The following ZNF354A variants were observed in gnomAD, a reference collection of about 807,000 sequenced individuals.
ZNF354A encodes zinc finger protein 354A, also known as epididymis luminal protein 104.
ZNF354A carries 25 observed loss-of-function variants against 53.3 expected under a neutral mutation model. The observed-to-expected ratio is 0.47, with a 90% CI of 0.34 to 0.66. The LOEUF (loss-of-function observed/expected upper bound fraction) is 0.66. ZNF354A is among the 30% of genes least tolerant of loss of function. ZNF354A has a pLI of 0.01. For missense variants in ZNF354A, 586 were observed against 716.8 expected, an observed-to-expected ratio of 0.82 and a Z score of 2.08; for synonymous variants, 228 against 249.0, an observed-to-expected ratio of 0.92 and a Z score of 0.79.
chr5:178,722,362 CA>C (rs1162895886), intron 4 of ZNF354A, among the ~76,000 whole-genome samples: 1 of 152,160 alleles, frequency 6.6e-6, no homozygotes, highest in African/African-American at 2.4e-5. Flanking sequence ...CTAGGTCAAC[CA>C]AAAACAGCTC....
chr5:178,713,450 T>G lies in ZNF354A; in HGVS notation c.428A>C (p.Gln143Pro), dbSNP rs1765660898. The G allele has an allele frequency of 1.2e-6, 2 of 1,613,682 alleles. No individual in the cohort carries two copies. The highest frequency in any genetic ancestry group is 2.2e-5 in the South Asian group (2 of 90,996). ...TTTTTTGTGGGTGGCTGAAACTATC[T>G]GAAAACTTCCCTTTTTATCCTGCTT... is the stretch of plus-strand genomic sequence containing the variant. ...EKKQDKKGSFQIVSATHKKIP... is the reference protein window; with the variant it reads ...EKKQDKKGSFPIVSATHKKIP... The change falls in exon 5 of 5, where the codon CAG becomes CCG. Residue 143 changes from glutamine to proline, a missense_variant. Gln to Pro is a moderately conservative substitution (Grantham distance 76, BLOSUM62 -1). Around this residue, in one of 2 missense-constraint regions of ZNF354A, gnomAD observed 573 missense variants for 680.1 expected, o/e 0.84. Transcript: ENST00000335815.
chr5:178,723,606 A>G (rs1482319744), intron 4 of ZNF354A, among the ~76,000 whole-genome samples: 2 of 152,118 alleles, frequency 1.3e-5, no homozygotes, highest in African/African-American at 4.8e-5. Flanking sequence ...GCACTCTCAC[A>G]GCACCGAGTG....
intron 4 of ZNF354A, among the ~76,000 whole-genome samples, chr5:178,724,997 C>T (rs1455624941): frequency 6.6e-6 from 1 of 152,204 alleles, no homozygotes; most frequent in African/African-American, 2.4e-5. Flanking sequence ...ACAGTTTCCA[C>T]CTCTTAGAAC....
intron 4 of ZNF354A, among the ~76,000 whole-genome samples, chr5:178,719,654 A>G (rs1310232807): frequency 1.3e-5 from 2 of 152,186 alleles, no homozygotes; most frequent in African/African-American, 2.4e-5. Context: ...CACCTATAAA[A>G]ATGTCACTTG....
intron 4 of ZNF354A, among the ~76,000 whole-genome samples, chr5:178,719,476 A>T (rs1765769294): frequency 6.6e-6 from 1 of 152,232 alleles, no homozygotes; most frequent in Admixed American, 6.5e-5. Context: ...GTTTCGTAAG[A>T]ATTGACATAT....
At chr5:178,725,557 A>C in intron 3 of ZNF354A, 86 bp from the exon 4 acceptor site, 1 of 1,385,476 alleles carries the variant, frequency 7.2e-7, no homozygotes, top group Non-Finnish European at 1.0e-6. Context: ...TACAGAACTC[A>C]CAGGATGGTA....
At chr5:178,715,227 T>C (rs746799135) in intron 4 of ZNF354A, among the ~76,000 whole-genome samples, 6 of 152,260 alleles carry the variant, frequency 3.9e-5, no homozygotes, top group Non-Finnish European at 7.3e-5. Context: ...TGTGTCTCAC[T>C]GTATTTGCGA....
intron 1 of ZNF354A, among the ~76,000 whole-genome samples, chr5:178,729,555 G>A (rs1712611189): frequency 7.4e-6 from 1 of 135,648 alleles, no homozygotes; most frequent in Admixed American, 7.2e-5. Flanking sequence ...ACGGAAAACG[G>A]CTTTTTTTTT....
chr5:178,721,721 C>T (rs1765816414), intron 4 of ZNF354A, among the ~76,000 whole-genome samples: 1 of 152,158 alleles, frequency 6.6e-6, no homozygotes, highest in Non-Finnish European at 1.5e-5. Context: ...TTTCCACAGG[C>T]AACTTCAATC....
chr5:178,725,514 G>A (rs1174905628), intron 3 of ZNF354A, 43 bp from the exon 4 acceptor site: 1 of 1,586,562 alleles, frequency 6.3e-7, no homozygotes, highest in Non-Finnish European at 8.6e-7. Context: ...ATCAGACTTG[G>A]TTTTGTATTG....
chr5:178,726,724 G>C (rs1765915682), intron 3 of ZNF354A, among the ~76,000 whole-genome samples: 1 of 152,242 alleles, frequency 6.6e-6, no homozygotes, highest in Admixed American at 6.5e-5. Flanking sequence ...GAATCGTTGG[G>C]AAACGATGCC....
At chr5:178,718,046 T>G (rs1180820812) in intron 4 of ZNF354A, among the ~76,000 whole-genome samples, 5 of 152,116 alleles carry the variant, frequency 3.3e-5, no homozygotes, top group Non-Finnish European at 7.4e-5. Context: ...AAATGTGACA[T>G]GGGGAGCTTT....
chr5:178,724,513 C>T (rs781759992), intron 4 of ZNF354A, among the ~76,000 whole-genome samples: 35 of 152,234 alleles, frequency 2.3e-4, no homozygotes, highest in Non-Finnish European at 4.1e-4. Context: ...GCGTGAGCCA[C>T]CGTGCCCAGC....
rs1765888146 is a variant in ZNF354A, at chr5:178,725,473, T to G, written c.161-2A>C. On this transcript the variant is annotated splice_acceptor_variant, in intron 3 of 4. Coordinates refer to ENST00000335815, the MANE Select transcript of ZNF354A (RefSeq NM_005649.3). LOFTEE classifies it high-confidence loss of function. Reference sequence around the variant, plus strand: ...CTTTTGGTTTGGTAAATGGGAGCCCTGCACATAAACAAAAAACCACAACCA... The same window carrying G: ...CTTTTGGTTTGGTAAATGGGAGCCCGGCACATAAACAAAAAACCACAACCA... 1 of 1,613,650 alleles carries G rather than the reference T, an allele frequency of 6.2e-7. No homozygotes were observed.
chr5:178,728,377 G>T (rs1367463839), intron 2 of ZNF354A, among the ~76,000 whole-genome samples: 3 of 152,084 alleles, frequency 2.0e-5, no homozygotes, highest in Non-Finnish European at 2.9e-5. Context: ...CACTTAAAAA[G>T]TTAAAATGGT....
intron 4 of ZNF354A, among the ~76,000 whole-genome samples, chr5:178,715,903 T>C (rs1208999397): frequency 1.2e-5 from 1 of 80,742 alleles, no homozygotes; most frequent in East Asian, 4.4e-4. Flanking sequence ...CTCTGTGGTT[T>C]TTTTTTTTTT....
At position 178,713,782 on chromosome 5, in the gene ZNF354A, T is replaced by C. The variant is rs531351202; in HGVS notation, c.257-161A>G. ...AAGAAAAAATAGGACAGTTAGACAGTATAATAAAATATAATTGACAGCAAT... is the reference window on the plus strand; with the variant it reads ...AAGAAAAAATAGGACAGTTAGACAGCATAATAAAATATAATTGACAGCAAT... On this transcript the variant is annotated intron_variant, in intron 4 of 4. Coordinates refer to ENST00000335815, the MANE Select transcript of ZNF354A (RefSeq NM_005649.3). Among the ~76,000 whole-genome samples, 38 of 152,200 alleles carry C rather than the reference T, an allele frequency of 2.5e-4. No homozygotes were observed. In the South Asian group the frequency reaches 4.1e-3, roughly 17 times the overall value.
intron 3 of ZNF354A, chr5:178,726,339 C>G (rs1413700431): frequency 2.7e-6 from 1 of 368,520 alleles, no homozygotes; most frequent in Non-Finnish European, 5.6e-6. Flanking sequence ...GAGACAGAGT[C>G]TCGCTTTGTC....
chr5:178,725,612 A>AG (rs1245253921), intron 3 of ZNF354A, 141 bp from the exon 4 acceptor site: 10 of 779,802 alleles, frequency 1.3e-5, no homozygotes, highest in South Asian at 8.9e-5. Flanking sequence ...CTGGGAGGTA[A>AG]GGGGGTAAGG....
Sources: allele counts gnomAD v4.1 joint callset (sites outside exome capture counted in the v4.1 genomes callset), GRCh38; gene constraint gnomAD v4.1.1; regional missense constraint gnomAD v4.1.1; transcripts MANE v1.5; gene names NCBI Gene and HGNC (gene_info 2026-07-23, HGNC 2026-07-21).